Variants in NTM observed in about 807,000 individuals in gnomAD.
NTM encodes the protein neurotrimin.
A neutral mutation model predicts 42.1 loss-of-function variants in NTM; 13 were observed. The observed-to-expected ratio is 0.31, with a 90% CI of 0.20 to 0.49. NTM has a LOEUF of 0.49. NTM is among the 20% of genes least tolerant of loss of function. The pLI is 0.99. For synonymous variants in NTM, 187 were observed against 179.2 expected (o/e 1.04, Z -0.35); for missense variants, 373 against 452.8 (o/e 0.82, Z 1.60).
intron 1 of NTM, among the ~76,000 whole-genome samples, chr11:131,729,622 A>G (rs1039461217): frequency 5.3e-5 from 8 of 152,238 alleles, no homozygotes; most frequent in African/African-American, 1.9e-4. Flanking sequence ...GAAACTGCCA[A>G]TCTACTTTCT....
chr11:131,881,039 G>A (rs2049390166), intron 1 of NTM, among the ~76,000 whole-genome samples: 2 of 152,098 alleles, frequency 1.3e-5, no homozygotes, highest in South Asian at 4.1e-4. Flanking sequence ...CATGGAACTT[G>A]CCAGAACCTT....
At chr11:131,664,304 T>C (rs989554451) in intron 1 of NTM, among the ~76,000 whole-genome samples, 2 of 152,250 alleles carry the variant, frequency 1.3e-5, no homozygotes, top group Non-Finnish European at 2.9e-5. Flanking sequence ...CAAGTACCTA[T>C]AAAAGGATGC....
intron 5 of NTM, among the ~76,000 whole-genome samples, chr11:132,308,755 C>G (rs1165304003): frequency 6.6e-6 from 1 of 152,028 alleles, no homozygotes; most frequent in African/African-American, 2.4e-5. Flanking sequence ...GTTTAAGAAG[C>G]AAGGCAATAG....
intron 1 of NTM, among the ~76,000 whole-genome samples, chr11:131,901,173 T>C (rs907307462): frequency 6.6e-6 from 1 of 152,214 alleles, no homozygotes; most frequent in Non-Finnish European, 1.5e-5. Flanking sequence ...TTATTCCTTT[T>C]TAATAGAAGA....
intron 1 of NTM, among the ~76,000 whole-genome samples, chr11:131,491,221 A>C (rs1210154669): frequency 1.3e-5 from 2 of 152,232 alleles, no homozygotes; most frequent in Non-Finnish European, 2.9e-5. Flanking sequence ...TAAAAAAATC[A>C]GTCAACTATG....
intron 1 of NTM, among the ~76,000 whole-genome samples, chr11:131,671,176 T>C (rs2070152284): frequency 6.6e-6 from 1 of 152,204 alleles, no homozygotes; most frequent in Non-Finnish European, 1.5e-5. Flanking sequence ...CTTTTGGCCC[T>C]TGCCTTTCTA....
chr11:132,088,658 G>C (rs2060034826), intron 2 of NTM, among the ~76,000 whole-genome samples: 1 of 152,152 alleles, frequency 6.6e-6, no homozygotes, highest in Admixed American at 6.5e-5. Context: ...GCGCATGTGG[G>C]CCCTTGGTCT....
intron 1 of NTM, among the ~76,000 whole-genome samples, chr11:131,654,754 A>G (rs949804001): frequency 3.9e-5 from 6 of 152,076 alleles, no homozygotes; most frequent in Non-Finnish European, 8.8e-5. Flanking sequence ...CTCTCTCACC[A>G]TGTGACACAC....
intron 3 of NTM, among the ~76,000 whole-genome samples, chr11:132,166,405 C>A (rs74667862): frequency 0.063 from 9,623 of 152,010 alleles, 381 homozygotes; most frequent in East Asian, 0.14. Flanking sequence ...TGTTTGGCAC[C>A]CAGGATTTCA....
chr11:132,328,661 T>A (rs2095736751), intron 7 of NTM, among the ~76,000 whole-genome samples: 1 of 152,092 alleles, frequency 6.6e-6, no homozygotes, highest in African/African-American at 2.4e-5. Context: ...CCAAAACTGC[T>A]TGTGGTTTGG....
chr11:132,127,244 A>T (rs2065996602), intron 2 of NTM, among the ~76,000 whole-genome samples: 1 of 152,240 alleles, frequency 6.6e-6, no homozygotes, highest in Non-Finnish European at 1.5e-5. Context: ...CTTTGGTTAA[A>T]GCAACCCGAA....
At chr11:131,646,962 T>C (rs963652058) in intron 1 of NTM, among the ~76,000 whole-genome samples, 3 of 152,200 alleles carry the variant, frequency 2.0e-5, no homozygotes, top group African/African-American at 7.2e-5. Context: ...AGGTCCAGAA[T>C]TAAATGTGGA....
chr11:131,691,927 C>G (rs59698630), intron 1 of NTM, among the ~76,000 whole-genome samples: 1,673 of 152,274 alleles, frequency 0.011, 32 homozygotes, highest in African/African-American at 0.037. Flanking sequence ...AAGTTGAACA[C>G]TATGGCATCT....
chr11:131,460,898 G>A (rs1026112851), intron 1 of NTM, among the ~76,000 whole-genome samples: 1 of 152,230 alleles, frequency 6.6e-6, no homozygotes, highest in African/African-American at 2.4e-5. Flanking sequence ...GCCCTTGGCT[G>A]AGCAACAGTG....
chr11:131,461,290 A>T (rs2136111318), intron 1 of NTM, among the ~76,000 whole-genome samples: 1 of 152,358 alleles, frequency 6.6e-6, no homozygotes, highest in Non-Finnish European at 1.5e-5. Flanking sequence ...ACTACTCAGC[A>T]GATTGGGTGC....
intron 1 of NTM, among the ~76,000 whole-genome samples, chr11:131,753,235 G>A (rs2135720739): frequency 6.6e-6 from 1 of 152,232 alleles, no homozygotes; most frequent in South Asian, 2.1e-4. Context: ...AAAAAGTCAG[G>A]TAACAACAGG....
chr11:131,475,785 G>A (rs932978415), intron 1 of NTM, among the ~76,000 whole-genome samples: 1 of 152,086 alleles, frequency 6.6e-6, no homozygotes, highest in African/African-American at 2.4e-5. Flanking sequence ...CTTTAGAAAT[G>A]AAAGACAAAG....
chr11:132,158,181 C>T (rs1204414161), intron 3 of NTM, among the ~76,000 whole-genome samples: 2 of 152,216 alleles, frequency 1.3e-5, no homozygotes, highest in Non-Finnish European at 2.9e-5. Context: ...ACCAGTGTCT[C>T]CCTGGCTTCA....
At chr11:131,453,649 A>G (rs930678720) in intron 1 of NTM, among the ~76,000 whole-genome samples, 1 of 152,212 alleles carries the variant, frequency 6.6e-6, no homozygotes, top group Non-Finnish European at 1.5e-5. Context: ...GTGTATTGGT[A>G]TATTGTATGT....
Sources: allele counts gnomAD v4.1 joint callset (sites outside exome capture counted in the v4.1 genomes callset), GRCh38; gene constraint gnomAD v4.1.1; transcripts MANE v1.5; gene names NCBI Gene and HGNC (gene_info 2026-07-23, HGNC 2026-07-21).